Variants in CCND2 observed in about 807,000 individuals in gnomAD.
CCND2 encodes the protein G1/S-specific cyclin-D2.
CCND2 carries 6 observed loss-of-function variants against 30.2 expected under a neutral mutation model. The observed-to-expected ratio is 0.20, with a 90% CI of 0.11 to 0.39. The LOEUF (loss-of-function observed/expected upper bound fraction) is 0.39. CCND2 is among the 10% of genes least tolerant of loss of function. The pLI, the probability that CCND2 is intolerant of heterozygous loss-of-function variation, is 1.00. For synonymous variants in CCND2, 150 were observed against 153.1 expected (o/e 0.98, Z 0.15); for missense variants, 235 against 373.4 (o/e 0.63, Z 3.06).
Position 4,284,829 on chromosome 12 carries a change from G to A in CCND2, c.572-4013G>A, listed in dbSNP as rs539964789. Among the ~76,000 whole-genome samples the A allele has an allele frequency of 7.4e-5, 11 of 148,092 alleles. No individual in the cohort carries two copies. In the East Asian group the frequency reaches 1.0e-3, roughly 13 times the overall value. Reference sequence around the variant, plus strand: ...CTGCTCACTGCAACCTCCAACTCCCGGGTTCAAGTGATTCTCTTGCCCAAG... The same window carrying A: ...CTGCTCACTGCAACCTCCAACTCCCAGGTTCAAGTGATTCTCTTGCCCAAG... On this transcript the variant is annotated intron_variant, in intron 3 of 4. Coordinates refer to ENST00000261254, the MANE Select transcript of CCND2 (RefSeq NM_001759.4).
In CCND2 at chr12:4,276,564, A is replaced by G. The variant is rs753607959; in HGVS notation, c.411+344A>G. Among the ~76,000 whole-genome samples the G allele has an allele frequency of 1.3e-5, 2 of 152,218 alleles. No homozygotes were observed. The highest frequency in any genetic ancestry group is 2.4e-5 in the African/African-American group (1 of 41,452). On this transcript the variant is annotated intron_variant, in intron 2 of 4. Transcript: ENST00000261254. This position sits in a 1 kb window ranked among gnomAD's most constrained non-coding sequence, Gnocchi z 4.8. The stretch of plus-strand genomic sequence containing the variant: ...TTAACAGTGATAATATTTTAATTAA[A>G]TTCCAAATTTCCAAAAATAGTCTGA...
Position 4,304,514 on chromosome 12 carries a change from TC to T in CCND2, c.*4507del. 4.3e-6 allele frequency: 1 copy of T among 233,672 alleles called. No individual in the cohort carries two copies. Among genetic ancestry groups the T allele is most frequent in the Middle Eastern group, 1.3e-3 (1 of 786 alleles). The allele number at this position is 233,672 out of a possible 1,614,324, so 14.5% of individuals were successfully genotyped here. Reference sequence around the variant, plus strand: ...AAGATTCAAGAGGATATTTATTACTTCCTCATACCACATGGCTTTTGATGAT... The same window carrying T: ...AAGATTCAAGAGGATATTTATTACTTCTCATACCACATGGCTTTTGATGAT... On this transcript the variant is annotated 3_prime_UTR_variant, in exon 5 of 5. Coordinates refer to ENST00000261254, the MANE Select transcript of CCND2 (RefSeq NM_001759.4). The surrounding 1 kb of genome is among the most constrained non-coding windows in gnomAD (Gnocchi z 6.2).
chr12:4,276,336 C>T lies in CCND2; in HGVS notation c.411+116C>T. The T allele has an allele frequency of 3.7e-6, 3 of 805,364 alleles. No individual in the cohort carries two copies. Among genetic ancestry groups the T allele is most frequent in the Non-Finnish European group, 5.9e-6 (3 of 509,888 alleles). The allele number at this position is 805,364 out of a possible 1,614,324, so 49.9% of individuals were successfully genotyped here. A position where few individuals can be genotyped will look rare whatever the true frequency, so the allele number is the denominator to read the frequency against. Reference sequence around the variant, plus strand: ...TTCTTGGGATCCAGAATGACCCCACCAATAGAATTTACCCACTTATGGGCG... The same window carrying T: ...TTCTTGGGATCCAGAATGACCCCACTAATAGAATTTACCCACTTATGGGCG... On this transcript the variant is annotated intron_variant, in intron 2 of 4. Coordinates refer to ENST00000261254, the MANE Select transcript of CCND2 (RefSeq NM_001759.4). This position sits in a 1 kb window ranked among gnomAD's most constrained non-coding sequence, Gnocchi z 4.8.
chr12:4,291,966 G>C (rs1159619472), intron 4 of CCND2, among the ~76,000 whole-genome samples: 1 of 152,164 alleles, frequency 6.6e-6, no homozygotes, highest in Non-Finnish European at 1.5e-5. Flanking sequence ...AGAGGATGGG[G>C]AGTTAGTGTT....
chr12:4,286,953 G>T (rs907579630), intron 3 of CCND2, among the ~76,000 whole-genome samples: 1 of 152,208 alleles, frequency 6.6e-6, no homozygotes. Flanking sequence ...CGGCTGCCCC[G>T]CTTGTGTTAT....
chr12:4,287,276 C>T lies in CCND2; in HGVS notation c.572-1566C>T, dbSNP rs1864037415. On this transcript the variant is annotated intron_variant, in intron 3 of 4. Transcript: ENST00000261254. The surrounding 1 kb of genome is among the most constrained non-coding windows in gnomAD (Gnocchi z 4.0). ...TGCTTGGCTCAGGGATCCACGGTGTCTAACAATGCTGCTAACTTGATGCTG... is the reference window on the plus strand; with the variant it reads ...TGCTTGGCTCAGGGATCCACGGTGTTTAACAATGCTGCTAACTTGATGCTG... Among the ~76,000 whole-genome samples the T allele has an allele frequency of 6.6e-6, 1 of 152,136 alleles. No homozygotes were observed. The highest frequency in any genetic ancestry group is 2.4e-5 in the African/African-American group (1 of 41,402).
intron 1 of CCND2, chr12:4,275,355 C>T (rs1863854141): frequency 2.6e-5 from 4 of 152,168 alleles, no homozygotes; most frequent in Admixed American, 2.6e-4. Flanking sequence ...GGTTTTCACG[C>T]CAAAAGGGCT....
chr12:4,289,525 T>TACAAAGTGCTTTCAAAAG (rs1232347637), intron 4 of CCND2, among the ~76,000 whole-genome samples: 4 of 152,194 alleles, frequency 2.6e-5, no homozygotes, highest in Non-Finnish European at 5.9e-5. Flanking sequence ...AGTAATGGAT[T>TACAAAGTGCTTTCAAAAG]ACAAAGTGCT....
At chr12:4,297,130 A>G (rs1565437927) in intron 4 of CCND2, among the ~76,000 whole-genome samples, 1 of 152,064 alleles carries the variant, frequency 6.6e-6, no homozygotes, top group African/African-American at 2.4e-5. Context: ...GAACCTGCCT[A>G]AGGGACATTC....
At chr12:4,275,858 T>TA in intron 1 of CCND2, 147 bp from the exon 2 acceptor site, 1 of 572,270 alleles carries the variant, frequency 1.7e-6, no homozygotes, top group Non-Finnish European at 3.1e-6. Context: ...TCTTTATTCT[T>TA]ATCACGCATT....
intron 4 of CCND2, among the ~76,000 whole-genome samples, chr12:4,296,229 T>A (rs985395181): frequency 6.6e-6 from 1 of 152,060 alleles, no homozygotes; most frequent in African/African-American, 2.4e-5. Context: ...GGCCATGGAG[T>A]CCCAAGTTGG....
intron 3 of CCND2, 88 bp from the exon 4 acceptor site, chr12:4,288,754 C>G (rs895436964): frequency 7.4e-7 from 1 of 1,342,904 alleles, no homozygotes; most frequent in Non-Finnish European, 1.0e-6. Flanking sequence ...GACCTGCTGC[C>G]GTCCTGTTTC....
intron 4 of CCND2, among the ~76,000 whole-genome samples, chr12:4,296,285 G>A (rs535118854): frequency 3.9e-5 from 6 of 152,306 alleles, no homozygotes; most frequent in South Asian, 4.1e-4. Context: ...TGACCTTGCC[G>A]GGGGCCAGAA....
rs1244076205 is a variant in CCND2 at position 4,302,198 on chromosome 12, C to T, written c.*2189C>T. ...GGACCTTTTTGGTCATGGAGGCCATCGGGCTCCCAGTTAGACCCTGGTATC... is the reference window on the plus strand; with the variant it reads ...GGACCTTTTTGGTCATGGAGGCCATTGGGCTCCCAGTTAGACCCTGGTATC... On this transcript the variant is annotated 3_prime_UTR_variant, in exon 5 of 5. Coordinates refer to ENST00000261254, the MANE Select transcript of CCND2 (RefSeq NM_001759.4). 12 of 232,856 alleles carry T rather than the reference C, an allele frequency of 5.2e-5. No individual in the cohort carries two copies. Among genetic ancestry groups the T allele is most frequent in the Non-Finnish European group, 7.6e-5 (9 of 117,704 alleles). The allele number at this position is 232,856 out of a possible 1,614,324, so 14.4% of individuals were successfully genotyped here. A position where few individuals can be genotyped will look rare whatever the true frequency, so the allele number is the denominator to read the frequency against.
intron 4 of CCND2, among the ~76,000 whole-genome samples, chr12:4,292,421 T>G (rs1052087429): frequency 6.6e-6 from 1 of 152,124 alleles, no homozygotes; most frequent in Non-Finnish European, 1.5e-5. Context: ...TGCAATGCTC[T>G]CTGTTACTTT....
At chr12:4,275,629 T>G (rs1373352599) in intron 1 of CCND2, among the ~76,000 whole-genome samples, 1 of 151,344 alleles carries the variant, frequency 6.6e-6, no homozygotes, top group Non-Finnish European at 1.5e-5. Flanking sequence ...CAGAATATTT[T>G]TATTGATTTT....
At chr12:4,295,923 G>T (rs911361202) in intron 4 of CCND2, among the ~76,000 whole-genome samples, 1 of 152,202 alleles carries the variant, frequency 6.6e-6, no homozygotes, top group East Asian at 1.9e-4. Flanking sequence ...CTCTTGGCTG[G>T]AACTTACATA....
At chr12:4,280,575 G>A (rs2120537192) in intron 3 of CCND2, among the ~76,000 whole-genome samples, 1 of 152,074 alleles carries the variant, frequency 6.6e-6, no homozygotes, top group African/African-American at 2.4e-5. Flanking sequence ...GGTCACTCTG[G>A]CTTCCTTCCC....
Position 4,301,699 on chromosome 12 carries a change from T to C in CCND2, c.*1690T>C, listed in dbSNP as rs1001647348. On this transcript the variant is annotated 3_prime_UTR_variant, in exon 5 of 5. Coordinates refer to ENST00000261254, the MANE Select transcript of CCND2 (RefSeq NM_001759.4). ...GTTCAGTTTGGTTTTTTTTTTTTTT[T>C]GCGCTGCTAAGAAGCTAAAGTCATC... 2 of 212,498 alleles carry C rather than the reference T, an allele frequency of 9.4e-6. No individual in the cohort carries two copies. The highest frequency in any genetic ancestry group is 4.9e-5 in the African/African-American group (2 of 41,124). The allele number at this position is 212,498 out of a possible 1,614,324, so 13.2% of individuals were successfully genotyped here.
Sources: gnomAD v4.1 joint callset for allele counts (sites outside exome capture counted in the v4.1 genomes callset) on GRCh38, gnomAD v4.1.1 for gene constraint, Gnocchi (gnomAD v3.1) non-coding constraint, MANE v1.5 for transcripts, NCBI Gene and HGNC (gene_info 2026-07-23, HGNC 2026-07-21) for gene names.